Variants in FAXC observed in about 807,000 individuals in gnomAD.
FAXC encodes failed axon connections homolog.
A neutral mutation model predicts 41.9 loss-of-function variants in FAXC; 10 were observed. That is an observed-to-expected ratio of 0.24 (90% CI 0.15 to 0.41). The LOEUF is 0.41. FAXC is among the 10% of genes least tolerant of loss of function. FAXC has a pLI of 1.00. For synonymous variants in FAXC, 183 were observed against 183.8 expected (o/e 1.00, Z 0.03); for missense variants, 399 against 510.9 (o/e 0.78, Z 2.11).
intron 4 of FAXC, among the ~76,000 whole-genome samples, chr6:99,322,329 G>GCTT (rs1772624714): frequency 6.6e-6 from 1 of 152,158 alleles, no homozygotes; most frequent in African/African-American, 2.4e-5. Flanking sequence ...GAAATGTAGA[G>GCTT]CAGAAAGATG....
intron 5 of FAXC, among the ~76,000 whole-genome samples, chr6:99,281,668 C>T (rs1404639703): frequency 6.6e-6 from 1 of 152,172 alleles, no homozygotes; most frequent in Admixed American, 6.5e-5. Context: ...GAGCTGCCTT[C>T]CCCCTTTTAC....
chr6:99,294,504 A>G (rs1771397364), intron 4 of FAXC, among the ~76,000 whole-genome samples: 1 of 152,224 alleles, frequency 6.6e-6, no homozygotes, highest in African/African-American at 2.4e-5. Flanking sequence ...ACTGGAAGCC[A>G]TGAGAGGGCT....
At position 99,280,932 on chromosome 6, in the gene FAXC, T is replaced by G; in HGVS notation, c.*232A>C. The G allele has an allele frequency of 2.2e-6, 1 of 464,792 alleles. No individual in the cohort carries two copies. The highest frequency in any genetic ancestry group is 3.7e-5 in the Admixed American group (1 of 27,370). 28.8% of individuals were successfully genotyped at this position (464,792 alleles called of 1,614,324 possible). Reference sequence around the variant, plus strand: ...TTTCTAATGAAAACAAAAATGGATTTCAGGAACCATGCTGACATTATTTTT... The same window carrying G: ...TTTCTAATGAAAACAAAAATGGATTGCAGGAACCATGCTGACATTATTTTT... On this transcript the variant is annotated 3_prime_UTR_variant, in exon 6 of 6. Transcript: ENST00000389677.
intron 5 of FAXC, among the ~76,000 whole-genome samples, chr6:99,290,194 C>T (rs1771184108): frequency 6.6e-6 from 1 of 150,812 alleles, no homozygotes; most frequent in South Asian, 2.1e-4. Context: ...GCTATCTTTC[C>T]GTATGCCATT....
Position 99,276,544 on chromosome 6 carries a change from TTC to T in FAXC, c.*4618_*4619del, listed in dbSNP as rs1486513364. ...ATTTTCTCAAATAACCTAAGAGCAC[TTC>T]TTTCTTCTTTTCTGTCACTCAAGAC... On this transcript the variant is annotated 3_prime_UTR_variant, in exon 6 of 6. Transcript: ENST00000389677. 2 of 152,224 alleles carry T rather than the reference TTC, an allele frequency of 1.3e-5. No individual in the cohort carries two copies. The highest frequency in any genetic ancestry group is 4.8e-5 in the African/African-American group (2 of 41,460). The allele number at this position is 152,224 out of a possible 1,614,324, so 9.4% of individuals were successfully genotyped here.
chr6:99,311,273 G>T (rs983396039), intron 4 of FAXC, among the ~76,000 whole-genome samples: 2 of 152,132 alleles, frequency 1.3e-5, no homozygotes, highest in African/African-American at 4.8e-5. Flanking sequence ...CTTCTCCCCA[G>T]AGAGTGAACA....
At chr6:99,309,837 C>A in intron 4 of FAXC, 12 of 885,344 alleles carry the variant, frequency 1.4e-5, no homozygotes, top group Non-Finnish European at 1.6e-5. Context: ...AGGTACTCAC[C>A]AGAATGCAAT....
intron 5 of FAXC, among the ~76,000 whole-genome samples, chr6:99,287,506 T>C (rs912277743): frequency 1.4e-4 from 22 of 152,214 alleles, no homozygotes; most frequent in African/African-American, 5.3e-4. Flanking sequence ...CTCATCTAAC[T>C]GAAGGAAAAC....
chr6:99,289,956 C>G (rs941381220), intron 5 of FAXC, among the ~76,000 whole-genome samples: 8 of 152,074 alleles, frequency 5.3e-5, no homozygotes, highest in African/African-American at 1.9e-4. Context: ...CTGCACCACA[C>G]ATATGGACAG....
At chr6:99,300,258 T>C (rs1200075195) in intron 4 of FAXC, among the ~76,000 whole-genome samples, 1 of 152,206 alleles carries the variant, frequency 6.6e-6, no homozygotes, top group Admixed American at 6.5e-5. Flanking sequence ...GAACACCTTC[T>C]GAACTCTGGA....
At chr6:99,284,528 G>T (rs1158742770) in intron 5 of FAXC, among the ~76,000 whole-genome samples, 2 of 151,592 alleles carry the variant, frequency 1.3e-5, no homozygotes, top group Non-Finnish European at 2.9e-5. Flanking sequence ...AACAGAAAAA[G>T]TTGGCAGCAG....
At position 99,282,950 on chromosome 6, in the gene FAXC, C is replaced by G. The variant is rs144767566; in HGVS notation, c.941-1497G>C. Among the ~76,000 whole-genome samples, 356 of 152,178 alleles carry G rather than the reference C, an allele frequency of 2.3e-3. 2 individuals carry two copies. The highest frequency in any genetic ancestry group is 8.2e-3 in the African/African-American group (340 of 41,530). Reference sequence around the variant, plus strand: ...ATAGGATTTACTATATATTCTTTTTCCTATCCTATGTTTTTCCACTTAACA... The same window carrying G: ...ATAGGATTTACTATATATTCTTTTTGCTATCCTATGTTTTTCCACTTAACA... On this transcript the variant is annotated intron_variant, in intron 5 of 5. Transcript: ENST00000389677.
chr6:99,304,264 C>G (rs1184344149), intron 4 of FAXC, among the ~76,000 whole-genome samples: 1 of 150,566 alleles, frequency 6.6e-6, no homozygotes, highest in African/African-American at 2.4e-5. Flanking sequence ...CCAGCCTGGG[C>G]AAAAAGAGCA....
intron 3 of FAXC, among the ~76,000 whole-genome samples, chr6:99,330,994 A>G (rs1408455237): frequency 6.6e-6 from 1 of 152,168 alleles, no homozygotes; most frequent in Non-Finnish European, 1.5e-5. Flanking sequence ...AAGTCTCTTC[A>G]GGTTTTCCCC....
chr6:99,324,312 C>A (rs2128460171), intron 3 of FAXC, among the ~76,000 whole-genome samples: 1 of 152,252 alleles, frequency 6.6e-6, no homozygotes, highest in East Asian at 1.9e-4. Context: ...AAGTGATTCC[C>A]CCACGTCAGC....
intron 2 of FAXC, among the ~76,000 whole-genome samples, chr6:99,336,075 T>C (rs1773206315): frequency 6.6e-6 from 1 of 152,102 alleles, no homozygotes; most frequent in Non-Finnish European, 1.5e-5. Flanking sequence ...TCGTATAATT[T>C]TTAAAATAAA....
At chr6:99,346,189 C>T (rs1261479857) in intron 1 of FAXC, among the ~76,000 whole-genome samples, 1 of 152,162 alleles carries the variant, frequency 6.6e-6, no homozygotes, top group Non-Finnish European at 1.5e-5. Context: ...TAGATTTCAC[C>T]TTAAGTGGAG....
At chr6:99,305,520 G>A (rs903631804) in intron 4 of FAXC, among the ~76,000 whole-genome samples, 1 of 151,898 alleles carries the variant, frequency 6.6e-6, no homozygotes, top group Non-Finnish European at 1.5e-5. Flanking sequence ...TACAAACCAG[G>A]CATAATAATA....
intron 4 of FAXC, among the ~76,000 whole-genome samples, chr6:99,313,191 G>A (rs554686770): frequency 2.0e-5 from 3 of 152,308 alleles, no homozygotes; most frequent in East Asian, 3.9e-4. Flanking sequence ...TCCTCGGGAC[G>A]ATGAGGCAGA....
Sources: gnomAD v4.1 joint callset for allele counts (sites outside exome capture counted in the v4.1 genomes callset) on GRCh38, gnomAD v4.1.1 for gene constraint, MANE v1.5 for transcripts, NCBI Gene and HGNC (gene_info 2026-07-23, HGNC 2026-07-21) for gene names.